The following ICA1 variants were observed in gnomAD, a reference collection of about 807,000 sequenced individuals.
The protein encoded by ICA1 is islet cell autoantigen 1, also known as 69 kDa islet cell autoantigen.
In ICA1, 40 loss-of-function variants were observed where a neutral mutation model predicts 71.0. The observed-to-expected ratio is 0.56, with a 90% CI of 0.44 to 0.73. The LOEUF (loss-of-function observed/expected upper bound fraction) is 0.73. Among genes scored for constraint, ICA1 ranks in the 30% least tolerant of loss-of-function variants. The pLI, the probability that ICA1 is intolerant of heterozygous loss-of-function variation, is 0.00. For missense variants in ICA1, 578 were observed against 576.5 expected (o/e 1.00, Z -0.03); for synonymous variants, 207 against 209.5 (o/e 0.99, Z 0.10).
chr7:8,256,395 G>A (rs1410318317), intron 1 of ICA1, among the ~76,000 whole-genome samples: 4 of 151,538 alleles, frequency 2.6e-5, no homozygotes, highest in Non-Finnish European at 4.4e-5. Flanking sequence ...CCCACCCTCC[G>A]ATAGAACTAT....
At chr7:8,156,158 T>G (rs1342824230) in intron 8 of ICA1, among the ~76,000 whole-genome samples, 3 of 152,198 alleles carry the variant, frequency 2.0e-5, no homozygotes, top group Non-Finnish European at 2.9e-5. Context: ...AACCTTCATT[T>G]TAAGGGCCAG....
At chr7:8,228,781 C>A (rs1799401781) in intron 3 of ICA1, 108 bp from the exon 4 acceptor site, 7 of 649,822 alleles carry the variant, frequency 1.1e-5, no homozygotes, top group Non-Finnish European at 1.8e-5. Context: ...AACAAGACCA[C>A]ATGTCTAAGT....
intron 4 of ICA1, 78 bp from the exon 5 acceptor site, chr7:8,221,476 A>T: frequency 1.3e-6 from 2 of 1,516,234 alleles, no homozygotes; most frequent in Non-Finnish European, 9.1e-7. Flanking sequence ...ACAAATCACA[A>T]GGTCCTCTCT....
intron 6 of ICA1, among the ~76,000 whole-genome samples, chr7:8,206,880 T>C (rs1280705498): frequency 3.3e-5 from 5 of 152,192 alleles, no homozygotes; most frequent in Non-Finnish European, 7.3e-5. Context: ...CTATGGTCCC[T>C]CCTCTTCCGA....
At chr7:8,138,747 A>T in intron 12 of ICA1, 93 bp downstream of exon 12, 1 of 1,073,010 alleles carries the variant, frequency 9.3e-7, no homozygotes, top group East Asian at 2.4e-5. Flanking sequence ...ATGCAAAGCT[A>T]TTAAAAAGAT....
intron 1 of ICA1, among the ~76,000 whole-genome samples, chr7:8,244,983 AT>A (rs992793823): frequency 2.6e-5 from 4 of 152,338 alleles, no homozygotes; most frequent in Admixed American, 1.3e-4. Context: ...TAGTTCAACT[AT>A]TGTGGAAGAC....
In ICA1 at chr7:8,135,108, C is replaced by T. The variant is rs55861459; in HGVS notation, c.1060+3732G>A. ...GTGGTGCAATCTCGGTTCACTGCAACCTCCGCCTCCCGGGTTCAAGCGATT... is the reference window on the plus strand; with the variant it reads ...GTGGTGCAATCTCGGTTCACTGCAATCTCCGCCTCCCGGGTTCAAGCGATT... On this transcript the variant is annotated intron_variant, in intron 12 of 13. Coordinates refer to ENST00000402384, the MANE Select transcript of ICA1 (RefSeq NM_001136020.3). Among the ~76,000 whole-genome samples, 1,091 of 152,092 alleles carry T rather than the reference C, an allele frequency of 7.2e-3. 15 individuals are homozygous for T. Among genetic ancestry groups the T allele is most frequent in the African/African-American group, 0.025 (1,028 of 41,446 alleles).
chr7:8,212,237 C>T (rs939413667), intron 6 of ICA1, among the ~76,000 whole-genome samples: 1 of 152,130 alleles, frequency 6.6e-6, no homozygotes, highest in Non-Finnish European at 1.5e-5. Context: ...CCAGTATCGA[C>T]ACTTCTCTAC....
At position 8,165,033 on chromosome 7, in the gene ICA1, T is replaced by C. The variant is rs544542718; in HGVS notation, c.580-6381A>G. Among the ~76,000 whole-genome samples, 7 of 152,246 alleles carry C rather than the reference T, an allele frequency of 4.6e-5. No homozygotes were observed. In the South Asian group the frequency reaches 1.0e-3, roughly 23 times the overall value. ...TGGAGGCTGCAGTGAGCTGTGATCA[T>C]GCCACTGCACTCCAGAAGCAGCCTG... is the stretch of plus-strand genomic sequence containing the variant. On this transcript the variant is annotated intron_variant, in intron 6 of 13. Transcript: ENST00000402384.
rs1169920472 is a variant in ICA1 at position 8,113,809 on chromosome 7, T to C, written c.*114A>G. 31 of 1,172,016 alleles carry C rather than the reference T, an allele frequency of 2.6e-5. No homozygotes were observed. Among genetic ancestry groups the C allele is most frequent in the Non-Finnish European group, 3.9e-5 (31 of 801,460 alleles). 72.6% of individuals were successfully genotyped at this position (1,172,016 alleles called of 1,614,324 possible). ...AAACAGGGCCGTTGACCCTTTCATT[T>C]TATTAAAATGGCACATAATTATTAA... On this transcript the variant is annotated 3_prime_UTR_variant, in exon 14 of 14. Coordinates refer to ENST00000402384, the MANE Select transcript of ICA1 (RefSeq NM_001136020.3). The surrounding 1 kb of genome is among the most constrained non-coding windows in gnomAD (Gnocchi z 4.2).
chr7:8,195,099 T>G (rs1018286863), intron 6 of ICA1, among the ~76,000 whole-genome samples: 1 of 152,196 alleles, frequency 6.6e-6, no homozygotes, highest in Non-Finnish European at 1.5e-5. Flanking sequence ...GACATACAGA[T>G]GGCTAATAAG....
intron 1 of ICA1, among the ~76,000 whole-genome samples, chr7:8,241,479 C>T (rs1803857486): frequency 6.6e-6 from 1 of 152,200 alleles, no homozygotes; most frequent in African/African-American, 2.4e-5. Context: ...ATTGTAAAGA[C>T]CATCGATGCT....
chr7:8,209,955 T>G (rs950283750), intron 6 of ICA1, among the ~76,000 whole-genome samples: 7 of 152,066 alleles, frequency 4.6e-5, no homozygotes, highest in African/African-American at 7.2e-5. Context: ...AGGGAAATTA[T>G]TCTAGAGGGA....
At chr7:8,257,873 TA>T (rs891656601) in intron 1 of ICA1, among the ~76,000 whole-genome samples, 2 of 152,162 alleles carry the variant, frequency 1.3e-5, no homozygotes, top group African/African-American at 2.4e-5. Context: ...GGGACACACA[TA>T]GACACTGGGC....
rs775036286 is a variant in ICA1, at chr7:8,227,647, C to T, written c.256+954G>A. ...TTCTAAGAGATCTCACCTTCTGTCG[C>T]CCAGGCTGGAGCACAACGGCTCATT... On this transcript the variant is annotated intron_variant, in intron 4 of 13. Transcript: ENST00000402384. 1.0e-5 allele frequency: 4 copies of T among 396,610 alleles called. 1 individual carries two copies. The highest frequency in any genetic ancestry group is 7.8e-5 in the South Asian group (4 of 51,548). 24.6% of individuals were successfully genotyped at this position (396,610 alleles called of 1,614,324 possible).
At chr7:8,178,532 T>C (rs1045172679) in intron 6 of ICA1, among the ~76,000 whole-genome samples, 2 of 152,050 alleles carry the variant, frequency 1.3e-5, no homozygotes, top group African/African-American at 4.8e-5. Flanking sequence ...GTAGCTTCTA[T>C]TTTTATAGTC....
chr7:8,200,742 C>T (rs554957752), intron 6 of ICA1, among the ~76,000 whole-genome samples: 7 of 152,326 alleles, frequency 4.6e-5, no homozygotes, highest in African/African-American at 1.2e-4. Flanking sequence ...AAGATTTAAG[C>T]CACAGTTATG....
chr7:8,221,599 T>A (rs1297988597), intron 4 of ICA1, among the ~76,000 whole-genome samples: 1 of 152,140 alleles, frequency 6.6e-6, no homozygotes, highest in Non-Finnish European at 1.5e-5. Flanking sequence ...ATACGAGAGA[T>A]CAAATTCACT....
At chr7:8,128,803 C>T (rs1387464774) in intron 12 of ICA1, among the ~76,000 whole-genome samples, 1 of 152,168 alleles carries the variant, frequency 6.6e-6, no homozygotes, top group African/African-American at 2.4e-5. Flanking sequence ...GGGAGCTTCA[C>T]AGGCTAGAGA....
Sources: allele counts gnomAD v4.1 joint callset (sites outside exome capture counted in the v4.1 genomes callset), GRCh38; gene constraint gnomAD v4.1.1; non-coding constraint Gnocchi (gnomAD v3.1); transcripts MANE v1.5; gene names NCBI Gene and HGNC (gene_info 2026-07-23, HGNC 2026-07-21).